The following CALN1 variants were observed in gnomAD, a reference collection of about 807,000 sequenced individuals.
CALN1 encodes the protein calneuron 1.
In CALN1, 17 loss-of-function variants were observed where a neutral mutation model predicts 30.6. That is an observed-to-expected ratio of 0.56 (90% CI 0.38 to 0.83). The LOEUF is 0.83. CALN1 is among the 40% of genes least tolerant of loss of function. The probability of loss-of-function intolerance (pLI) is 0.00; values close to 1 mark genes in which losing one functional copy is unlikely to be tolerated. For synonymous variants in CALN1, 156 were observed against 131.4 expected (o/e 1.19, Z -1.28); for missense variants, 291 against 354.9 (o/e 0.82, Z 1.45).
chr7:72,020,855 G>A (rs1351672554), intron 5 of CALN1, among the ~76,000 whole-genome samples: 1 of 152,216 alleles, frequency 6.6e-6, no homozygotes, highest in South Asian at 2.1e-4. Flanking sequence ...GAGTAGGAGT[G>A]TAGATTAAGT....
intron 3 of CALN1, among the ~76,000 whole-genome samples, chr7:72,151,583 T>C (rs957353617): frequency 6.6e-6 from 1 of 152,170 alleles, no homozygotes; most frequent in Non-Finnish European, 1.5e-5. Context: ...TGCCTCCCAC[T>C]TGGGGGACCC....
intron 3 of CALN1, among the ~76,000 whole-genome samples, chr7:72,126,383 C>T (rs73371749): frequency 0.012 from 1,859 of 152,256 alleles, 31 homozygotes; most frequent in African/African-American, 0.041. Flanking sequence ...CTTCCAGTTC[C>T]TGACTCCAGC....
intron 2 of CALN1, among the ~76,000 whole-genome samples, chr7:72,332,794 G>A (rs1294366982): frequency 6.6e-6 from 1 of 152,092 alleles, no homozygotes; most frequent in African/African-American, 2.4e-5. Context: ...CAACTCTCCT[G>A]TTTGCCAAAT....
rs576781418 is a variant in CALN1 at position 72,372,030 on chromosome 7, T to C, written c.119+31221A>G. 2.0e-5 allele frequency among the ~76,000 whole-genome samples: 3 copies of C among 152,284 alleles called. No individual in the cohort carries two copies. The East Asian group carries it at 5.8e-4, about 29-fold the overall frequency. The stretch of plus-strand genomic sequence containing the variant: ...CTGGCATTTCTGAGATTGAATTCAA[T>C]ATCGCCTGAAAGTTGAACGTAGGTA... On this transcript the variant is annotated intron_variant, in intron 2 of 6. Transcript: ENST00000395275.
chr7:71,842,825 C>T (rs112129479), intron 5 of CALN1, among the ~76,000 whole-genome samples: 8,104 of 152,272 alleles, frequency 0.053, 718 homozygotes, highest in African/African-American at 0.19. Context: ...CACTGCCTAT[C>T]TTCGGGGTTA....
intron 3 of CALN1, among the ~76,000 whole-genome samples, chr7:72,196,149 G>T (rs1039045868): frequency 2.7e-5 from 4 of 150,342 alleles, no homozygotes; most frequent in Non-Finnish European, 5.9e-5. Flanking sequence ...GTCTCGCTTT[G>T]TCACCCAGGC....
intron 4 of CALN1, among the ~76,000 whole-genome samples, chr7:72,088,649 A>G (rs1805638722): frequency 6.6e-6 from 1 of 150,952 alleles, no homozygotes; most frequent in African/African-American, 2.4e-5. Flanking sequence ...CAGTGAACCA[A>G]GATCATACCA....
At chr7:71,993,318 ATC>A (rs930473629) in intron 5 of CALN1, among the ~76,000 whole-genome samples, 53 of 152,234 alleles carry the variant, frequency 3.5e-4, no homozygotes, top group African/African-American at 1.3e-3. Context: ...CACTTATTAT[ATC>A]TCTTAGTGGA....
chr7:71,933,091 C>T lies in CALN1; in HGVS notation c.501+90566G>A, dbSNP rs905077503. Among the ~76,000 whole-genome samples the T allele has an allele frequency of 9.6e-5, 14 of 146,414 alleles. No homozygotes were observed. The East Asian group carries it at 2.6e-3, about 27-fold the overall frequency. On this transcript the variant is annotated intron_variant, in intron 5 of 6. Coordinates refer to ENST00000395275, the MANE Select transcript of CALN1 (RefSeq NM_031468.4). ...AAATCGAGCTACAGACATAGACATG[C>T]AAGCTAGAAGCTTGCATGGGTGAAT...
chr7:72,098,328 C>T (rs778569870), intron 4 of CALN1, among the ~76,000 whole-genome samples: 1 of 152,072 alleles, frequency 6.6e-6, no homozygotes, highest in Non-Finnish European at 1.5e-5. Flanking sequence ...GTTAAAGTTC[C>T]AAGAAATAAC....
At chr7:72,232,646 G>C (rs1258642373) in intron 3 of CALN1, among the ~76,000 whole-genome samples, 1 of 152,140 alleles carries the variant, frequency 6.6e-6, no homozygotes, top group Non-Finnish European at 1.5e-5. Context: ...TTTTAGTACA[G>C]ACAGGGTTTC....
intron 5 of CALN1, among the ~76,000 whole-genome samples, chr7:71,853,084 CT>C (rs1297487473): frequency 1.2e-4 from 18 of 147,528 alleles, no homozygotes; most frequent in South Asian, 4.3e-4. Flanking sequence ...TTATTATTTG[CT>C]TTTTTTTTTG....
chr7:71,798,123 C>CAGAGAGAGAGAGAGAGAGAGAGAG (rs3973907), intron 6 of CALN1, among the ~76,000 whole-genome samples: 6 of 71,012 alleles, frequency 8.4e-5, no homozygotes, highest in Non-Finnish European at 1.0e-4. Flanking sequence ...GAGACAGAGA[C>CAGAGAGAGAGAGAGAGAGAGAGAG]AGAGAGAGAG....
chr7:71,983,593 G>A (rs1031857913), intron 5 of CALN1, among the ~76,000 whole-genome samples: 5 of 151,950 alleles, frequency 3.3e-5, no homozygotes, highest in Admixed American at 1.3e-4. Context: ...GTGCAATGCT[G>A]TGATCTTGGC....
chr7:72,351,038 G>A (rs1585559546), intron 2 of CALN1, among the ~76,000 whole-genome samples: 1 of 152,270 alleles, frequency 6.6e-6, no homozygotes, highest in East Asian at 1.9e-4. Context: ...CTACTCGGGA[G>A]GCTGAAGCAG....
At chr7:71,964,155 A>G (rs2129525482) in intron 5 of CALN1, among the ~76,000 whole-genome samples, 2 of 152,318 alleles carry the variant, frequency 1.3e-5, no homozygotes, top group Middle Eastern at 6.8e-3. Context: ...ACGGATGGAC[A>G]CTGAAATGGG....
intron 3 of CALN1, among the ~76,000 whole-genome samples, chr7:72,223,506 G>A (rs1422654122): frequency 1.3e-5 from 2 of 152,258 alleles, no homozygotes; most frequent in East Asian, 1.9e-4. Context: ...ACTGGAGGAT[G>A]ACCCAGCAGC....
At chr7:72,404,368 C>T (rs1386988267) in intron 1 of CALN1, among the ~76,000 whole-genome samples, 1 of 152,108 alleles carries the variant, frequency 6.6e-6, no homozygotes, top group African/African-American at 2.4e-5. Context: ...ATTGAACACA[C>T]AGTTAATCAA....
intron 4 of CALN1, among the ~76,000 whole-genome samples, chr7:72,036,135 T>C (rs1801781391): frequency 6.6e-6 from 1 of 152,226 alleles, no homozygotes; most frequent in Admixed American, 6.5e-5. Context: ...GATTGACAGG[T>C]ATTTTTTTCT....
Sources: allele counts gnomAD v4.1 joint callset (sites outside exome capture counted in the v4.1 genomes callset), GRCh38; gene constraint gnomAD v4.1.1; transcripts MANE v1.5; gene names NCBI Gene and HGNC (gene_info 2026-07-23, HGNC 2026-07-21).